The following LATS1 variants were observed in gnomAD, a reference collection of about 807,000 sequenced individuals.
The protein encoded by LATS1 is serine/threonine-protein kinase LATS1.
Under a neutral mutation model 106.6 loss-of-function variants are expected in LATS1, and 25 were observed. That is an observed-to-expected ratio of 0.23 (90% CI 0.17 to 0.33). The LOEUF is 0.33. Among genes scored for constraint, LATS1 ranks in the 10% least tolerant of loss-of-function variants. The probability of loss-of-function intolerance (pLI) is 1.00; values close to 1 mark genes in which losing one functional copy is unlikely to be tolerated. For synonymous variants in LATS1, 465 were observed against 455.6 expected (o/e 1.02, Z -0.26); for missense variants, 1,040 against 1,382.6 (o/e 0.75, Z 3.93).
chr6:149,687,100 T>A (rs995361911), intron 3 of LATS1, among the ~76,000 whole-genome samples: 36 of 151,854 alleles, frequency 2.4e-4, no homozygotes, highest in Admixed American at 1.2e-3. Context: ...TTTTTATTTT[T>A]TTTTTTTTGA....
intron 2 of LATS1, 77 bp downstream of exon 2, chr6:149,701,702 T>C: frequency 1.0e-6 from 1 of 997,802 alleles, no homozygotes; most frequent in Non-Finnish European, 1.5e-6. Flanking sequence ...GGAAACATTT[T>C]GGCATGTTAT....
intron 7 of LATS1, among the ~76,000 whole-genome samples, chr6:149,668,365 G>A (rs993884960): frequency 6.6e-6 from 1 of 151,858 alleles, no homozygotes; most frequent in Non-Finnish European, 1.5e-5. Flanking sequence ...AAGGAATCTT[G>A]AAACACCAGG....
rs1296303229 is a variant in LATS1, at chr6:149,695,010, CTT to C, written c.496+62_496+63del. ...TTTCTAAGAAGGAAGATTTGATAGA[CTT>C]CAGTATTTTTAAACTACACAGTAAA... On this transcript the variant is annotated intron_variant, in intron 3 of 7. Transcript: ENST00000543571. The C allele has an allele frequency of 3.0e-6, 4 of 1,312,644 alleles. No homozygotes were observed. The African/African-American group carries it at 6.0e-5, about 20-fold the overall frequency. The allele number at this position is 1,312,644 out of a possible 1,614,324, so 81.3% of individuals were successfully genotyped here. A position where few individuals can be genotyped will look rare whatever the true frequency, so the allele number is the denominator to read the frequency against.
chr6:149,677,661 T>A (rs1294920911), intron 5 of LATS1, among the ~76,000 whole-genome samples: 1 of 152,192 alleles, frequency 6.6e-6, no homozygotes, highest in Non-Finnish European at 1.5e-5. Flanking sequence ...AGGCCATTTC[T>A]GGAGAGAGAG....
At position 149,683,310 on chromosome 6, in the gene LATS1, A is replaced by G. The variant is rs201425810; in HGVS notation, c.1779T>C (p.Ser593=). ...TATCAACATTTTCATAACTCTTTTCACTCTCATCTTCCTTGGGCAAGCTTG... is the reference window on the plus strand; with the variant it reads ...TATCAACATTTTCATAACTCTTTTCGCTCTCATCTTCCTTGGGCAAGCTTG... The part of the protein sequence containing the change: ...DQPSLPKEDE[S]EKSYENVDSG... The change falls in exon 4 of 8, where the codon AGT becomes AGC. Residue 593 remains serine (S), a synonymous_variant. Transcript: ENST00000543571. 3 of 1,613,800 alleles carry G rather than the reference A, an allele frequency of 1.9e-6. No homozygotes were observed. Among genetic ancestry groups the G allele is most frequent in the Non-Finnish European group, 2.5e-6 (3 of 1,179,966 alleles).
chr6:149,678,018 C>CA (rs5880845), intron 5 of LATS1, among the ~76,000 whole-genome samples: 1,468 of 126,682 alleles, frequency 0.012, 30 homozygotes, highest in African/African-American at 0.037. Context: ...AACTCCGTCT[C>CA]AAAAAAAAAA....
At chr6:149,695,033 G>A (rs761339558) in intron 3 of LATS1, 41 bp downstream of exon 3, 1 of 1,518,752 alleles carries the variant, frequency 6.6e-7, no homozygotes, top group Admixed American at 2.2e-5. Context: ...AAACTACACA[G>A]TAAAAGAAGA....
At chr6:149,682,373 TTATAAG>T (rs767485423) in intron 4 of LATS1, among the ~76,000 whole-genome samples, 119 of 152,146 alleles carry the variant, frequency 7.8e-4, no homozygotes, top group African/African-American at 1.1e-3. Context: ...AGTAAATGTT[TTATAAG>T]TATATCAAGA....
At chr6:149,667,679 C>T (rs2114710637) in intron 7 of LATS1, among the ~76,000 whole-genome samples, 1 of 152,136 alleles carries the variant, frequency 6.6e-6, no homozygotes, top group East Asian at 1.9e-4. Context: ...TGATCAAACA[C>T]ATAAACCTAC....
Position 149,701,877 on chromosome 6 carries a change from A to G in LATS1, c.250T>C (p.Ser84Pro). The change falls in exon 2 of 8, where the codon TCT becomes CCT. Residue 84 changes from serine (S) to proline (P), a missense_variant. Ser to Pro is a moderately conservative substitution (Grantham distance 74). Coordinates refer to ENST00000543571, the MANE Select transcript of LATS1 (RefSeq NM_004690.4). ...HHKALQEIRNSLLPFANETNS... is the reference protein window; with the variant it reads ...HHKALQEIRNPLLPFANETNS... The stretch of plus-strand genomic sequence containing the variant: ...GTTTCATTTGCAAATGGAAGCAGAG[A>G]GTTTCGAATTTCCTGCAAGGCTTTA... 1 of 1,614,098 alleles carries G rather than the reference A, an allele frequency of 6.2e-7. No individual in the cohort carries two copies. The highest frequency in any genetic ancestry group is 8.5e-7 in the Non-Finnish European group (1 of 1,180,000).
rs79616624 is a variant in LATS1 at position 149,700,602 on chromosome 6, G to C, written c.348+1177C>G. On this transcript the variant is annotated intron_variant, in intron 2 of 7. Coordinates refer to ENST00000543571, the MANE Select transcript of LATS1 (RefSeq NM_004690.4). ...TAAATACAGATATATATGGAAATTC[G>C]GCCACCAAAAAAACACACAAAACAA... Among the ~76,000 whole-genome samples, 86 of 150,856 alleles carry C rather than the reference G, an allele frequency of 5.7e-4. 1 individual carries two copies. Among genetic ancestry groups the C allele is most frequent in the African/African-American group, 2.0e-3 (84 of 41,004 alleles).
In LATS1 at chr6:149,683,832, C is replaced by A. The variant is rs769040714; in HGVS notation, c.1257G>T (p.Met419Ile). The change falls in exon 4 of 8, where the codon ATG becomes ATT. Residue 419 changes from methionine (M) to isoleucine (I), a missense_variant. Met to Ile is a conservative substitution (Grantham distance 10). Transcript: ENST00000543571. Reference protein sequence around the residue: ...MMVPNRNSHNMELYNISVPGL... With the variant: ...MMVPNRNSHNIELYNISVPGL... ...CAGGTACACTAATGTTATATAGTTC[C>A]ATGTTATGACTATTTCTGTTTGGCA... The A allele has an allele frequency of 1.2e-6, 2 of 1,613,930 alleles. No homozygotes were observed.
Position 149,701,883 on chromosome 6 carries a change from G to A in LATS1, c.244C>T (p.Arg82Ter). ...TTTGCAAATGGAAGCAGAGAGTTTCGAATTTCCTGCAAGGCTTTATGATGC... is the reference window on the plus strand; with the variant it reads ...TTTGCAAATGGAAGCAGAGAGTTTCAAATTTCCTGCAAGGCTTTATGATGC... ...GTHHKALQEI[R>*]NSLLPFANET... is the part of the protein sequence containing the mutation. Residue 82 changes from arginine to a stop codon, truncating the protein, a stop_gained, in exon 2 of 8, where the codon CGA becomes TGA. Coordinates refer to ENST00000543571, the MANE Select transcript of LATS1 (RefSeq NM_004690.4). LOFTEE classifies it high-confidence loss of function. The A allele has an allele frequency of 6.2e-7, 1 of 1,614,122 alleles. No homozygotes were observed. The highest frequency in any genetic ancestry group is 8.5e-7 in the Non-Finnish European group (1 of 1,180,004).
chr6:149,712,197 T>C (rs943740384), intron 1 of LATS1, among the ~76,000 whole-genome samples: 1 of 151,932 alleles, frequency 6.6e-6, no homozygotes, highest in Admixed American at 6.6e-5. Flanking sequence ...GTTTCTTTTA[T>C]TTATTTATTT....
intron 4 of LATS1, among the ~76,000 whole-genome samples, chr6:149,682,577 A>G (rs1009382756): frequency 6.6e-6 from 1 of 151,618 alleles, no homozygotes; most frequent in South Asian, 2.1e-4. Flanking sequence ...ATGCCCAGCT[A>G]ATTTTTTTTG....
At chr6:149,701,746 A>G (rs756820681) in intron 2 of LATS1, 33 bp downstream of exon 2, 2 of 1,505,550 alleles carry the variant, frequency 1.3e-6, no homozygotes, top group Non-Finnish European at 1.8e-6. Flanking sequence ...TAAGGTAAGA[A>G]GAATCCTTTC....
At chr6:149,673,371 T>A (rs1480602429) in intron 7 of LATS1, among the ~76,000 whole-genome samples, 1 of 151,922 alleles carries the variant, frequency 6.6e-6, no homozygotes, top group Non-Finnish European at 1.5e-5. Context: ...AGTGCTAGGA[T>A]TACAGGCATG....
At chr6:149,715,657 TTAAAA>T (rs2115037202) in intron 1 of LATS1, among the ~76,000 whole-genome samples, 1 of 152,296 alleles carries the variant, frequency 6.6e-6, no homozygotes, top group Non-Finnish European at 1.5e-5. Flanking sequence ...AGCATTTTTC[TTAAAA>T]TAAATTCCCA....
At chr6:149,692,366 T>C (rs1011635786) in intron 3 of LATS1, among the ~76,000 whole-genome samples, 4 of 152,144 alleles carry the variant, frequency 2.6e-5, no homozygotes, top group African/African-American at 9.7e-5. Flanking sequence ...TCTTCAGATA[T>C]CAGCTTTATT....
Sources: gnomAD v4.1 joint callset for allele counts (sites outside exome capture counted in the v4.1 genomes callset) on GRCh38, gnomAD v4.1.1 for gene constraint, MANE v1.5 for transcripts, NCBI Gene and HGNC (gene_info 2026-07-23, HGNC 2026-07-21) for gene names.